BHMT: variants seen among roughly 807,000 people sequenced by gnomAD.
BHMT encodes the protein betaine--homocysteine S-methyltransferase, also known as betaine--homocysteine S-methyltransferase 1.
In BHMT, 38 loss-of-function variants were observed where a neutral mutation model predicts 49.5. The ratio of observed to expected loss-of-function variants is 0.77; its 90% confidence interval spans 0.59 to 1.01. The LOEUF (loss-of-function observed/expected upper bound fraction) is 1.01. Ranked by LOEUF, BHMT falls within the 50% of genes least tolerant of loss-of-function variation. The pLI is 0.00. For missense variants in BHMT, 426 were observed against 495.7 expected (o/e 0.86, Z 1.34); for synonymous variants, 166 against 176.3 (o/e 0.94, Z 0.46).
At chr5:79,122,898 A>G (rs1326790192) in intron 5 of BHMT, among the ~76,000 whole-genome samples, 3 of 152,202 alleles carry the variant, frequency 2.0e-5, no homozygotes, top group Non-Finnish European at 4.4e-5. Flanking sequence ...GATGGTATTG[A>G]AAGCCTAGGA....
chr5:79,115,486 C>G (rs910994551), intron 1 of BHMT, among the ~76,000 whole-genome samples: 6 of 152,072 alleles, frequency 3.9e-5, no homozygotes, highest in East Asian at 1.9e-4. Context: ...GACAGTTCTT[C>G]AAACACACCT....
chr5:79,128,864 G>T (rs993935827), intron 7 of BHMT, among the ~76,000 whole-genome samples: 1 of 152,186 alleles, frequency 6.6e-6, no homozygotes, highest in East Asian at 1.9e-4. Flanking sequence ...AGAAGCCGTG[G>T]ATTAGAGACT....
intron 7 of BHMT, 82 bp downstream of exon 7, chr5:79,128,065 T>C: frequency 6.8e-7 from 1 of 1,473,478 alleles, no homozygotes; most frequent in East Asian, 2.5e-5. Flanking sequence ...GCAGCAAATT[T>C]GTTGTGTGAT....
At chr5:79,113,806 G>T (rs1756343984) in intron 1 of BHMT, among the ~76,000 whole-genome samples, 1 of 152,064 alleles carries the variant, frequency 6.6e-6, no homozygotes, top group Non-Finnish European at 1.5e-5. Context: ...AAATGCAATA[G>T]AATGTAAGAG....
At chr5:79,115,237 A>T (rs1032573269) in intron 1 of BHMT, among the ~76,000 whole-genome samples, 3 of 151,878 alleles carry the variant, frequency 2.0e-5, no homozygotes, top group Non-Finnish European at 2.9e-5. Flanking sequence ...GGAGGGTGAG[A>T]CTGGAGGATC....
intron 2 of BHMT, among the ~76,000 whole-genome samples, chr5:79,118,088 G>T (rs1245104898): frequency 6.6e-6 from 1 of 152,128 alleles, no homozygotes; most frequent in Non-Finnish European, 1.5e-5. Flanking sequence ...CACAGCTTAG[G>T]ACAGCTATTT....
intron 5 of BHMT, among the ~76,000 whole-genome samples, chr5:79,121,908 T>A (rs1215912813): frequency 6.6e-6 from 1 of 151,352 alleles, no homozygotes; most frequent in Non-Finnish European, 1.5e-5. Flanking sequence ...ATTTAGAAAA[T>A]GCTGTGTTAA....
intron 5 of BHMT, among the ~76,000 whole-genome samples, chr5:79,124,596 G>A (rs1418973052): frequency 6.6e-6 from 1 of 152,142 alleles, no homozygotes. Context: ...CATGTCTAGT[G>A]ATTGCCATGG....
intron 6 of BHMT, among the ~76,000 whole-genome samples, chr5:79,127,307 A>C (rs1008737293): frequency 3.9e-5 from 6 of 152,180 alleles, no homozygotes; most frequent in Admixed American, 3.3e-4. Flanking sequence ...TCAGTTCCTC[A>C]GCTCATGGGC....
At chr5:79,123,783 CT>C (rs1001879130) in intron 5 of BHMT, among the ~76,000 whole-genome samples, 2 of 152,178 alleles carry the variant, frequency 1.3e-5, no homozygotes, top group Admixed American at 6.5e-5. Context: ...AACTCCTGAC[CT>C]CAGGTAATCC....
intron 1 of BHMT, 124 bp downstream of exon 1, chr5:79,112,042 C>A: frequency 8.8e-7 from 1 of 1,136,818 alleles, no homozygotes; most frequent in Non-Finnish European, 1.2e-6. Flanking sequence ...TACTCCCTCC[C>A]CTCCCTCAGC....
Position 79,131,051 on chromosome 5 carries a change from A to C in BHMT, c.1156A>C (p.Lys386Gln). 1 of 1,614,056 alleles carries C rather than the reference A, an allele frequency of 6.2e-7. No individual in the cohort carries two copies. The highest frequency in any genetic ancestry group is 8.5e-7 in the Non-Finnish European group (1 of 1,179,992). Residue 386 changes from lysine (K) to glutamine (Q), a missense_variant, in exon 8 of 8, where the codon AAA becomes CAA. Lys to Gln is a moderately conservative substitution (Grantham distance 53, BLOSUM62 1). Coordinates refer to ENST00000274353, the MANE Select transcript of BHMT (RefSeq NM_001713.3). ...TKGTAELMQQ[K>Q]EATTEQQLKE... Reference sequence around the variant, plus strand: ...AGGAACAGCCGAGCTGATGCAGCAGAAAGAAGCCACAACTGAGCAGCAGCT... The same window carrying C: ...AGGAACAGCCGAGCTGATGCAGCAGCAAGAAGCCACAACTGAGCAGCAGCT...
intron 4 of BHMT, 121 bp downstream of exon 4, chr5:79,120,662 T>C (rs554480883): frequency 2.1e-6 from 2 of 955,316 alleles, no homozygotes; most frequent in African/African-American, 3.4e-5. Flanking sequence ...TAATATTTAG[T>C]TTTTGAAATC....
At chr5:79,129,951 G>A (rs892383179) in intron 7 of BHMT, among the ~76,000 whole-genome samples, 7 of 152,168 alleles carry the variant, frequency 4.6e-5, no homozygotes, top group African/African-American at 2.4e-5. Flanking sequence ...TTGAGCTCAG[G>A]AGTTTGAGAC....
intron 7 of BHMT, among the ~76,000 whole-genome samples, chr5:79,129,685 C>T (rs1411326767): frequency 1.3e-5 from 2 of 151,948 alleles, no homozygotes; most frequent in Non-Finnish European, 2.9e-5. Flanking sequence ...TAGAAGGAAG[C>T]AAAGGAAATA....
At chr5:79,130,301 TCATAA>T (rs1756616379) in intron 7 of BHMT, among the ~76,000 whole-genome samples, 1 of 152,184 alleles carries the variant, frequency 6.6e-6, no homozygotes, top group African/African-American at 2.4e-5. Flanking sequence ...CAATGTGCAC[TCATAA>T]CAGAACAAGA....
At chr5:79,123,752 A>T (rs1756509630) in intron 5 of BHMT, among the ~76,000 whole-genome samples, 1 of 152,096 alleles carries the variant, frequency 6.6e-6, no homozygotes, top group African/African-American at 2.4e-5. Flanking sequence ...GGGTTTCACC[A>T]TGTTGGCCAG....
At position 79,113,768 on chromosome 5, in the gene BHMT, A is replaced by C. The variant is rs1756343236; in HGVS notation, c.33+1850A>C. On this transcript the variant is annotated intron_variant, in intron 1 of 7. Coordinates refer to ENST00000274353, the MANE Select transcript of BHMT (RefSeq NM_001713.3). ...TAAAAAGTCTGTTTAGCTTGGGAAC[A>C]GAAAATCCTGAAGTCTAGATAATTT... Among the ~76,000 whole-genome samples, 4 of 152,208 alleles carry C rather than the reference A, an allele frequency of 2.6e-5. No individual in the cohort carries two copies. In the South Asian group the frequency reaches 8.3e-4, roughly 32 times the overall value.
In BHMT at chr5:79,126,138, C is replaced by G. The variant is rs1194143252; in HGVS notation, c.718C>G (p.Leu240Val). 6.2e-7 allele frequency: 1 copy of G among 1,613,670 alleles called. No individual in the cohort carries two copies. Among genetic ancestry groups the G allele is most frequent in the Non-Finnish European group, 8.5e-7 (1 of 1,179,586 alleles). The change falls in exon 6 of 8, where the codon CTG becomes GTG. Residue 240 changes from leucine (L) to valine (V), a missense_variant. Transcript: ENST00000274353. ...GAAGGAGGGCTTGGAGGCTGCCCGA[C>G]TGAAAGCTCACCTGATGAGCCAGCC... is the stretch of plus-strand genomic sequence containing the variant. ...LMKEGLEAARLKAHLMSQPLA... is the reference protein window; with the variant it reads ...LMKEGLEAARVKAHLMSQPLA...
Sources: gnomAD v4.1 joint callset for allele counts (sites outside exome capture counted in the v4.1 genomes callset) on GRCh38, gnomAD v4.1.1 for gene constraint, MANE v1.5 for transcripts, NCBI Gene and HGNC (gene_info 2026-07-23, HGNC 2026-07-21) for gene names.